SMAD7: variants seen among roughly 807,000 people sequenced by gnomAD.
SMAD7 encodes the protein MAD (mothers against decapentaplegic, Drosophila) homolog 7.
Under a neutral mutation model 38.7 loss-of-function variants are expected in SMAD7, and 8 were observed. The observed-to-expected ratio is 0.21, with a 90% CI of 0.12 to 0.37. SMAD7 has a LOEUF of 0.37. Ranked by LOEUF, SMAD7 falls within the 10% of genes least tolerant of loss-of-function variation. The pLI, the probability that SMAD7 is intolerant of heterozygous loss-of-function variation, is 1.00. For synonymous variants in SMAD7, 327 were observed against 265.1 expected (o/e 1.23, Z -2.27); for missense variants, 477 against 577.9 (o/e 0.83, Z 1.79).
chr18:48,929,013 C>G (rs1460161881), intron 3 of SMAD7, among the ~76,000 whole-genome samples: 1 of 152,168 alleles, frequency 6.6e-6, no homozygotes, highest in Admixed American at 6.5e-5. Flanking sequence ...TGAGGAGGCC[C>G]ACTCTGCCCA....
At chr18:48,930,237 T>C (rs757548029) in intron 3 of SMAD7, 1 of 152,522 alleles carries the variant, frequency 6.6e-6, no homozygotes, top group African/African-American at 2.4e-5. Flanking sequence ...CTGGAAAAGT[T>C]AATCATTACT....
chr18:48,938,925 A>G (rs2070102454), intron 3 of SMAD7, among the ~76,000 whole-genome samples: 1 of 152,132 alleles, frequency 6.6e-6, no homozygotes, highest in Non-Finnish European at 1.5e-5. Flanking sequence ...GCCTTTCAAA[A>G]GACACCCATC....
intron 3 of SMAD7, among the ~76,000 whole-genome samples, chr18:48,935,383 C>T (rs992405282): frequency 3.3e-5 from 5 of 152,294 alleles, no homozygotes; most frequent in African/African-American, 7.2e-5. Context: ...CAATACCGAG[C>T]GAGAGGTGGT....
At position 48,949,723 on chromosome 18, in the gene SMAD7, G is replaced by A. The variant is rs921441172; in HGVS notation, c.613+89C>T. On this transcript the variant is annotated intron_variant, in intron 1 of 3. Coordinates refer to ENST00000262158, the MANE Select transcript of SMAD7 (RefSeq NM_005904.4). ...GAGGGTATGCACACTCCCCCTGGAG[G>A]GATGGCTGCACAAACGCACTGCCCT... 5 of 1,400,358 alleles carry A rather than the reference G, an allele frequency of 3.6e-6. No homozygotes were observed. The Admixed American group carries it at 7.0e-5, about 20-fold the overall frequency. 86.7% of individuals were successfully genotyped at this position (1,400,358 alleles called of 1,614,324 possible).
At chr18:48,928,105 TG>T (rs1036564534) in intron 3 of SMAD7, among the ~76,000 whole-genome samples, 1 of 152,010 alleles carries the variant, frequency 6.6e-6, no homozygotes, top group Non-Finnish European at 1.5e-5. Flanking sequence ...CAGCAAGAAG[TG>T]GGGGGTGATA....
In SMAD7 at chr18:48,921,524, G is replaced by A; in HGVS notation, c.1129C>T (p.Leu377=). 6.2e-7 allele frequency: 1 copy of A among 1,614,234 alleles called. No individual in the cohort carries two copies. Among genetic ancestry groups the A allele is most frequent in the Non-Finnish European group, 8.5e-7 (1 of 1,180,044 alleles). The change falls in exon 4 of 4, where the codon CTG becomes TTG. Residue 377 remains leucine (L), a synonymous_variant. Coordinates refer to ENST00000262158, the MANE Select transcript of SMAD7 (RefSeq NM_005904.4). This position sits in a 1 kb window ranked among gnomAD's most constrained non-coding sequence, Gnocchi z 6.4. ...KAFDYEKAYS[L]QRPNDHEFMQ... is the part of the protein sequence containing the mutation. ...AACTCGTGGTCATTGGGCCGCTGCA[G>A]GCTGTACGCCTTCTCGTAGTCGAAA...
intron 2 of SMAD7, among the ~76,000 whole-genome samples, chr18:48,943,111 G>T (rs936357009): frequency 2.6e-5 from 4 of 152,160 alleles, no homozygotes; most frequent in African/African-American, 9.7e-5. Flanking sequence ...CGCAATGAAT[G>T]TTACTCATGT....
At position 48,949,792 on chromosome 18, in the gene SMAD7, G is replaced by A; in HGVS notation, c.613+20C>T. 4 of 1,578,284 alleles carry A rather than the reference G, an allele frequency of 2.5e-6. No individual in the cohort carries two copies. Among genetic ancestry groups the A allele is most frequent in the Non-Finnish European group, 3.4e-6 (4 of 1,161,262 alleles). Reference sequence around the variant, plus strand: ...ACTGGCGCTCCGGAAAATGTTGGGGGTAGGGGGACAACTTCTCACCTAGTT... The same window carrying A: ...ACTGGCGCTCCGGAAAATGTTGGGGATAGGGGGACAACTTCTCACCTAGTT... On this transcript the variant is annotated intron_variant, in intron 1 of 3. Transcript: ENST00000262158.
At chr18:48,922,662 G>A (rs17186485) in intron 3 of SMAD7, among the ~76,000 whole-genome samples, 10,402 of 152,096 alleles carry the variant, frequency 0.068, 389 homozygotes, top group African/African-American at 0.092. Flanking sequence ...GTATTAACCC[G>A]GGCTACCTTA....
At position 48,937,264 on chromosome 18, in the gene SMAD7, A is replaced by ATGTGTGTGTGTGTGTGTGTGTG. The variant is rs71165354; in HGVS notation, c.742+5195_742+5216dup. 2.4e-4 allele frequency among the ~76,000 whole-genome samples: 29 copies of ATGTGTGTGTGTGTGTGTGTGTG among 119,874 alleles called. 2 individuals are homozygous for ATGTGTGTGTGTGTGTGTGTGTG. Among genetic ancestry groups the ATGTGTGTGTGTGTGTGTGTGTG allele is most frequent in the African/African-American group, 7.7e-4 (23 of 29,878 alleles). The allele number at this position is 119,874 out of a possible 152,430, so 78.6% of individuals were successfully genotyped here. ...CAGTCAGGCTTTGCTAAGTAAAGGC[A>ATGTGTGTGTGTGTGTGTGTGTG]TGTGTGTGTGTGTGTGTGTGTGTGT... is the stretch of plus-strand genomic sequence containing the variant. On this transcript the variant is annotated intron_variant, in intron 3 of 3. Transcript: ENST00000262158.
chr18:48,949,338 G>A (rs1568306953), intron 1 of SMAD7: 7 of 896,876 alleles, frequency 7.8e-6, no homozygotes, highest in East Asian at 2.4e-4. Flanking sequence ...TTTACTAAAG[G>A]AGTAAATACG....
rs756388652 is a variant in SMAD7, at chr18:48,921,358, C to A, written c.*14G>T. On this transcript the variant is annotated 3_prime_UTR_variant, in exon 4 of 4. Transcript: ENST00000262158. The surrounding 1 kb of genome is among the most constrained non-coding windows in gnomAD (Gnocchi z 6.4). ...TGGCCTGCTCAGCTCACGCTCTGTC[C>A]CCTCCGCACGCGGCTACCGGCTGTT... 24 of 1,602,170 alleles carry A rather than the reference C, an allele frequency of 1.5e-5. No homozygotes were observed. The highest frequency in any genetic ancestry group is 2.2e-5 in the East Asian group (1 of 44,614).
chr18:48,947,125 C>T (rs188319327), intron 2 of SMAD7, among the ~76,000 whole-genome samples: 1 of 152,178 alleles, frequency 6.6e-6, no homozygotes, highest in South Asian at 2.1e-4. Flanking sequence ...GTTACAAATA[C>T]AGAGAGCTGG....
In SMAD7 at chr18:48,921,430, G is replaced by A; in HGVS notation, c.1223C>T (p.Thr408Ile). ...SFVKGWGQCY[T>I]RQFISSCPCW... ...CGGGCAGCTGCTGATGAACTGGCGG[G>A]TGTAGCACTGGCCCCAGCCCTTCAC... Residue 408 changes from threonine (T) to isoleucine (I), a missense_variant, in exon 4 of 4, where the codon ACC becomes ATC. Physicochemically the swap from Thr to Ile is moderately conservative, Grantham distance 89 (BLOSUM62 -1). Coordinates refer to ENST00000262158, the MANE Select transcript of SMAD7 (RefSeq NM_005904.4). The surrounding 1 kb of genome is among the most constrained non-coding windows in gnomAD (Gnocchi z 6.4). The A allele has an allele frequency of 6.2e-7, 1 of 1,613,722 alleles. No individual in the cohort carries two copies. Among genetic ancestry groups the A allele is most frequent in the Non-Finnish European group, 8.5e-7 (1 of 1,179,660 alleles).
chr18:48,940,629 G>A lies in SMAD7; in HGVS notation c.742+1852C>T, dbSNP rs1371294426. On this transcript the variant is annotated intron_variant, in intron 3 of 3. Transcript: ENST00000262158. ...TAGCTGGGCACAGTGGTGGATGCCT[G>A]TAATCCCAGCTACTTGGGAGGCTGA... 5.3e-5 allele frequency among the ~76,000 whole-genome samples: 8 copies of A among 152,158 alleles called. No homozygotes were observed. The South Asian group carries it at 6.2e-4, about 12-fold the overall frequency.
At chr18:48,943,675 C>G (rs922396813) in intron 2 of SMAD7, among the ~76,000 whole-genome samples, 2 of 152,210 alleles carry the variant, frequency 1.3e-5, no homozygotes, top group Non-Finnish European at 1.5e-5. Flanking sequence ...GGCCTCCTAC[C>G]CCAGGCCACC....
At chr18:48,938,690 C>T (rs2070099667) in intron 3 of SMAD7, among the ~76,000 whole-genome samples, 2 of 152,130 alleles carry the variant, frequency 1.3e-5, no homozygotes, top group South Asian at 4.1e-4. Context: ...AAATGAAAGC[C>T]CCCAGACAGA....
chr18:48,939,100 A>G (rs1251160955), intron 3 of SMAD7, among the ~76,000 whole-genome samples: 1 of 152,018 alleles, frequency 6.6e-6, no homozygotes, highest in Non-Finnish European at 1.5e-5. Flanking sequence ...GCACGCTCTC[A>G]TGTGTTTGCG....
Position 48,949,843 on chromosome 18 carries a change from G to T in SMAD7, c.582C>A (p.Asn194Lys). Residue 194 changes from asparagine to lysine, a missense_variant, in exon 1 of 4, where the codon AAC becomes AAA. Around this residue, in one of 2 missense-constraint regions of SMAD7, gnomAD observed 376 missense variants for 379.4 expected, o/e 0.99. Transcript: ENST00000262158. Reference protein sequence around the residue: ...GKINPELVCCNPHHLSRLCEL... With the variant: ...GKINPELVCCKPHHLSRLCEL... Reference sequence around the variant, plus strand: ...CGCAGAGTCGGCTAAGGTGATGGGGGTTGCAGCACACCAGCTCGGGGTTGA... The same window carrying T: ...CGCAGAGTCGGCTAAGGTGATGGGGTTTGCAGCACACCAGCTCGGGGTTGA... 6.2e-7 allele frequency: 1 copy of T among 1,612,198 alleles called. No individual in the cohort carries two copies. The highest frequency in any genetic ancestry group is 8.5e-7 in the Non-Finnish European group (1 of 1,179,106).
Sources: allele counts gnomAD v4.1 joint callset (sites outside exome capture counted in the v4.1 genomes callset), GRCh38; gene constraint gnomAD v4.1.1; regional missense constraint gnomAD v4.1.1; non-coding constraint Gnocchi (gnomAD v3.1); transcripts MANE v1.5; gene names NCBI Gene and HGNC (gene_info 2026-07-23, HGNC 2026-07-21).